SCHIP1: variants seen among roughly 807,000 people sequenced by gnomAD.
SCHIP1 encodes the protein schwannomin-interacting protein 1.
A neutral mutation model predicts 29.7 loss-of-function variants in SCHIP1; 8 were observed. The observed-to-expected ratio is 0.27, with a 90% confidence interval of 0.16 to 0.49. The LOEUF (loss-of-function observed/expected upper bound fraction) is 0.49. Among genes scored for constraint, SCHIP1 ranks in the 20% least tolerant of loss-of-function variants. The probability of loss-of-function intolerance (pLI) is 0.99; values close to 1 mark genes in which losing one functional copy is unlikely to be tolerated. For synonymous variants in SCHIP1, 76 were observed against 94.9 expected (o/e 0.80, Z 1.16); for missense variants, 193 against 294.6 (o/e 0.66, Z 2.52).
intron 1 of SCHIP1, among the ~76,000 whole-genome samples, chr3:159,843,001 C>CTTCTTTTTTTTTTTTTT (rs1744394617): frequency 3.5e-4 from 22 of 63,734 alleles, no homozygotes; most frequent in African/African-American, 1.0e-3. Context: ...ATATTTCTTT[C>CTTCTTTTTTTTTTTTTT]TTTTTTTTTT....
At chr3:159,772,381 T>A in the SCHIP1 span, among the ~76,000 whole-genome samples, 1 of 152,306 alleles carries the variant, frequency 6.6e-6, no homozygotes, top group South Asian at 2.1e-4. Flanking sequence ...TGACCTCAAG[T>A]GATCCACCCG....
the SCHIP1 span, among the ~76,000 whole-genome samples, chr3:159,458,782 T>A: frequency 8.5e-5 from 13 of 152,258 alleles, no homozygotes; most frequent in Non-Finnish European, 1.5e-4. Context: ...TAATCTTTTA[T>A]CCATGGAGCT....
chr3:159,633,509 A>C, the SCHIP1 span, among the ~76,000 whole-genome samples: 3 of 152,208 alleles, frequency 2.0e-5, no homozygotes, highest in Non-Finnish European at 4.4e-5. Context: ...AACAGCTTTC[A>C]GAGAAGAAAA....
the SCHIP1 span, among the ~76,000 whole-genome samples, chr3:159,560,005 A>C: frequency 6.6e-6 from 1 of 152,176 alleles, no homozygotes; most frequent in East Asian, 1.9e-4. Context: ...CTAGATAAGA[A>C]ATAAAGTACA....
chr3:159,531,855 G>A, the SCHIP1 span, among the ~76,000 whole-genome samples: 1 of 152,092 alleles, frequency 6.6e-6, no homozygotes, highest in Non-Finnish European at 1.5e-5. Flanking sequence ...GAATTAATGA[G>A]CAAAAGCCTC....
the SCHIP1 span, among the ~76,000 whole-genome samples, chr3:159,366,747 T>A: frequency 6.6e-6 from 1 of 152,134 alleles, no homozygotes; most frequent in Non-Finnish European, 1.5e-5. Flanking sequence ...TGCCCACATC[T>A]CCCACTATGC....
At chr3:159,669,806 C>G in the SCHIP1 span, among the ~76,000 whole-genome samples, 1 of 152,188 alleles carries the variant, frequency 6.6e-6, no homozygotes, top group Non-Finnish European at 1.5e-5. Context: ...AACGCCAAGG[C>G]CCTTTCCAGA....
chr3:159,470,859 C>T, the SCHIP1 span, among the ~76,000 whole-genome samples: 1 of 151,976 alleles, frequency 6.6e-6, no homozygotes, highest in Non-Finnish European at 1.5e-5. Flanking sequence ...CAATTCATAT[C>T]TTCAATACTA....
chr3:159,505,469 T>A, the SCHIP1 span, among the ~76,000 whole-genome samples: 3 of 152,068 alleles, frequency 2.0e-5, no homozygotes, highest in African/African-American at 7.2e-5. Flanking sequence ...TTATAATTTA[T>A]GTTTTTATAT....
the SCHIP1 span, among the ~76,000 whole-genome samples, chr3:159,511,844 T>G: frequency 2.0e-5 from 3 of 152,162 alleles, no homozygotes; most frequent in East Asian, 1.9e-4. Flanking sequence ...ACAAAATCAA[T>G]TATACATGAA....
chr3:159,883,768 G>A (rs1284776477), intron 2 of SCHIP1, among the ~76,000 whole-genome samples: 6 of 152,168 alleles, frequency 3.9e-5, no homozygotes, highest in African/African-American at 7.2e-5. Context: ...TTCCTATGGG[G>A]ATAATGTGGT....
the SCHIP1 span, among the ~76,000 whole-genome samples, chr3:159,423,082 A>G: frequency 6.6e-6 from 1 of 152,226 alleles, no homozygotes; most frequent in Non-Finnish European, 1.5e-5. Context: ...AGGAGCCAAG[A>G]TGGCCGAATA....
chr3:159,851,497 A>G (rs1232045730), intron 1 of SCHIP1, among the ~76,000 whole-genome samples: 1 of 152,206 alleles, frequency 6.6e-6, no homozygotes, highest in African/African-American at 2.4e-5. Flanking sequence ...GATTAAAGAC[A>G]TATGTAGGAG....
chr3:159,382,835 A>G, the SCHIP1 span, among the ~76,000 whole-genome samples: 2 of 152,056 alleles, frequency 1.3e-5, no homozygotes, highest in South Asian at 4.1e-4. Flanking sequence ...TGTGGTTTTG[A>G]TTTGCATTTC....
chr3:159,324,673 T>G, the SCHIP1 span, among the ~76,000 whole-genome samples: 1 of 152,164 alleles, frequency 6.6e-6, no homozygotes, highest in Non-Finnish European at 1.5e-5. Context: ...GAATAGATTA[T>G]TAGAGAAGTT....
the SCHIP1 span, among the ~76,000 whole-genome samples, chr3:159,672,122 T>C: frequency 6.6e-6 from 1 of 152,220 alleles, no homozygotes; most frequent in Non-Finnish European, 1.5e-5. Flanking sequence ...TATTAGTCAT[T>C]ACAGAATGTC....
intron 1 of SCHIP1, among the ~76,000 whole-genome samples, chr3:159,860,126 A>G (rs1713879378): frequency 6.6e-6 from 1 of 151,954 alleles, no homozygotes; most frequent in South Asian, 2.1e-4. Context: ...GCCACGGGGG[A>G]CCAGTGTATT....
At chr3:159,509,568 G>T in the SCHIP1 span, among the ~76,000 whole-genome samples, 15 of 152,260 alleles carry the variant, frequency 9.9e-5, no homozygotes, top group African/African-American at 3.6e-4. Flanking sequence ...AGCCTTGATG[G>T]TCTTTACAAT....
At chr3:159,516,328 C>A in the SCHIP1 span, among the ~76,000 whole-genome samples, 1 of 152,282 alleles carries the variant, frequency 6.6e-6, no homozygotes, top group South Asian at 2.1e-4. Context: ...CTTCCTGACT[C>A]TGCCCCATTA....
Sources: allele counts gnomAD v4.1 joint callset (sites outside exome capture counted in the v4.1 genomes callset), GRCh38; gene constraint gnomAD v4.1.1; transcripts MANE v1.5; gene names NCBI Gene and HGNC (gene_info 2026-07-23, HGNC 2026-07-21).